TNS1: variants seen among roughly 807,000 people sequenced by gnomAD.
TNS1 encodes the protein tensin-1.
TNS1 carries 62 observed loss-of-function variants against 168.6 expected under a neutral mutation model. That is an observed-to-expected ratio of 0.37 (90% CI 0.30 to 0.45). The LOEUF (loss-of-function observed/expected upper bound fraction) is 0.45, where lower values mean the gene tolerates loss of function less well. Ranked by LOEUF, TNS1 falls within the 20% of genes least tolerant of loss-of-function variation. TNS1 has a pLI of 1.00. For missense variants in TNS1, 2,240 were observed against 2,339.4 expected, an observed-to-expected ratio of 0.96 and a Z score of 0.88; for synonymous variants, 934 against 933.2, an observed-to-expected ratio of 1.00 and a Z score of -0.02.
At chr2:218,001,675 A>G (rs1176059148) in intron 1 of TNS1, among the ~76,000 whole-genome samples, 1 of 151,856 alleles carries the variant, frequency 6.6e-6, no homozygotes, top group Non-Finnish European at 1.5e-5. Context: ...TATTAATCCA[A>G]TCCATCCCAG....
chr2:217,859,358 C>T, intron 18 of TNS1: 1 of 413,616 alleles, frequency 2.4e-6, no homozygotes, highest in Non-Finnish European at 4.3e-6. Context: ...TTTTTTCCCT[C>T]TCTCTCCCCC....
intron 2 of TNS1, among the ~76,000 whole-genome samples, chr2:217,984,560 T>C (rs928094468): frequency 1.4e-4 from 22 of 152,188 alleles, no homozygotes; most frequent in Non-Finnish European, 2.9e-4. Flanking sequence ...TGCTCATAGC[T>C]CACTGCAGCC....
intron 28 of TNS1, among the ~76,000 whole-genome samples, chr2:217,811,487 A>G (rs1330486353): frequency 6.6e-6 from 1 of 152,222 alleles, no homozygotes; most frequent in East Asian, 1.9e-4. Context: ...GTGTGGGCAT[A>G]GCCCCAGGAG....
At chr2:218,005,830 C>A (rs536236411), upstream of TNS1, among the ~76,000 whole-genome samples, 19 of 152,238 alleles carry the variant, frequency 1.2e-4, no homozygotes, top group Admixed American at 2.0e-4. Context: ...CCTGCCTGTA[C>A]ACTTTTGCCC....
At chr2:217,896,749 G>C (rs1028680966) in intron 8 of TNS1, among the ~76,000 whole-genome samples, 1 of 151,996 alleles carries the variant, frequency 6.6e-6, no homozygotes, top group Admixed American at 6.6e-5. Context: ...AAAATCCATG[G>C]GTGCTCAGGT....
intron 4 of TNS1, 89 bp downstream of exon 4, chr2:217,920,106 A>G (rs1955562097): frequency 1.4e-6 from 1 of 701,330 alleles, no homozygotes; most frequent in Non-Finnish European, 2.6e-6. Flanking sequence ...CCCAGTTACC[A>G]ACATATTTGG....
chr2:217,949,528 G>A (rs953504747), intron 3 of TNS1, among the ~76,000 whole-genome samples: 1 of 152,224 alleles, frequency 6.6e-6, no homozygotes, highest in African/African-American at 2.4e-5. Context: ...ATCTCAGGAA[G>A]GTGTTGGCAG....
chr2:217,959,082 G>A (rs915114504), intron 3 of TNS1, among the ~76,000 whole-genome samples: 1 of 152,186 alleles, frequency 6.6e-6, no homozygotes, highest in African/African-American at 2.4e-5. Flanking sequence ...GCGGGGAGGG[G>A]GCTGTTGGGA....
rs533072846 is a variant in TNS1, at chr2:218,032,363, G to T, written c.156+1457C>A. Among the ~76,000 whole-genome samples, 11 of 152,322 alleles carry T rather than the reference G, an allele frequency of 7.2e-5. No homozygotes were observed. The highest frequency in any genetic ancestry group is 2.6e-4 in the African/African-American group (11 of 41,564). On this transcript the variant is annotated intron_variant, in intron 1 of 1. Transcript: ENST00000649572. This position sits in a 1 kb window ranked among gnomAD's most constrained non-coding sequence, Gnocchi z 4.0. ...CAGCCTGCTTGTGGAGGAGGAGGCA[G>T]CATGACAGGGGAAGGGGGCGATGTG...
chr2:217,815,060 C>A, intron 24 of TNS1, 62 bp from the exon 25 acceptor site: 1 of 1,365,928 alleles, frequency 7.3e-7, no homozygotes, highest in African/African-American at 1.4e-5. Context: ...AAACATACAT[C>A]AAAGTCCTGG....
At chr2:218,009,014 G>T (rs1958683228) in intron 1 of TNS1, among the ~76,000 whole-genome samples, 1 of 152,134 alleles carries the variant, frequency 6.6e-6, no homozygotes, top group Non-Finnish European at 1.5e-5. Context: ...CCATTTTACA[G>T]ATGAGAAAAC....
At chr2:217,887,311 T>G (rs1442822887) in intron 12 of TNS1, among the ~76,000 whole-genome samples, 7 of 152,182 alleles carry the variant, frequency 4.6e-5, no homozygotes, top group Admixed American at 4.6e-4. Context: ...ATTTTTTTGT[T>G]TTGTTTTTGT....
chr2:217,812,372 G>A lies in TNS1; in HGVS notation c.5028C>T (p.Asn1676=), dbSNP rs752964513. 4 of 1,613,866 alleles carry A rather than the reference G, an allele frequency of 2.5e-6. No homozygotes were observed. The highest frequency in any genetic ancestry group is 3.4e-6 in the Non-Finnish European group (4 of 1,179,930). ...CCAGGAGTCTCACGTTCCTACCTCG[G>A]TTTGGAATGACCAGCTTGCAAGGCA... ...LALPCKLVIP[N]RDPTDESKDS... The change falls in exon 28 of 33, where the codon AAC becomes AAT. Residue 1676 remains asparagine, a synonymous_variant. Coordinates refer to ENST00000682258, the MANE Select transcript of TNS1 (RefSeq NM_001387777.1).
At chr2:217,917,699 C>T (rs1411001612) in intron 4 of TNS1, among the ~76,000 whole-genome samples, 1 of 151,824 alleles carries the variant, frequency 6.6e-6, no homozygotes, top group East Asian at 1.9e-4. Flanking sequence ...GGTGTGGTGC[C>T]GTGCGCCTGT....
intron 23 of TNS1, among the ~76,000 whole-genome samples, chr2:217,820,924 T>G (rs1011064057): frequency 6.6e-5 from 10 of 152,274 alleles, no homozygotes; most frequent in South Asian, 2.1e-4. Flanking sequence ...GCAGGCCACA[T>G]GCCCTCAGCC....
At chr2:217,994,529 C>T (rs1958434077) in intron 1 of TNS1, among the ~76,000 whole-genome samples, 1 of 152,198 alleles carries the variant, frequency 6.6e-6, no homozygotes, top group African/African-American at 2.4e-5. Flanking sequence ...CTTCCCTCCC[C>T]ATGCCCCATA....
intron 16 of TNS1, among the ~76,000 whole-genome samples, chr2:217,882,982 G>A (rs1404292653): frequency 1.3e-5 from 2 of 152,056 alleles, no homozygotes; most frequent in Non-Finnish European, 2.9e-5. Flanking sequence ...TTTTTATAGC[G>A]ACGGAGTTTT....
chr2:217,895,312 C>A (rs997460828), intron 8 of TNS1, among the ~76,000 whole-genome samples: 9 of 152,162 alleles, frequency 5.9e-5, no homozygotes, highest in African/African-American at 2.2e-4. Context: ...TCTATCCATA[C>A]GTGAACATGC....
At chr2:218,010,398 C>T (rs991590248) in exon 1 of TNS1, 1 of 388,370 alleles carries the variant, frequency 2.6e-6, no homozygotes, top group Non-Finnish European at 4.5e-6. Context: ...GCGGGAGGCC[C>T]GCGGCGCGGC....
Sources: allele counts gnomAD v4.1 joint callset (sites outside exome capture counted in the v4.1 genomes callset), GRCh38; gene constraint gnomAD v4.1.1; non-coding constraint Gnocchi (gnomAD v3.1); transcripts MANE v1.5; gene names NCBI Gene and HGNC (gene_info 2026-07-23, HGNC 2026-07-21).